TFEB: variants seen among roughly 807,000 people sequenced by gnomAD.
The protein encoded by TFEB is T-cell transcription factor EB.
In TFEB, 12 loss-of-function variants were observed where a neutral mutation model predicts 48.0. That is an observed-to-expected ratio of 0.25 (90% confidence interval 0.16 to 0.40). The LOEUF (loss-of-function observed/expected upper bound fraction) is 0.40. TFEB is among the 10% of genes least tolerant of loss of function. The pLI is 1.00. For missense variants in TFEB, 509 were observed against 640.3 expected (o/e 0.79, Z 2.21); for synonymous variants, 244 against 261.4 (o/e 0.93, Z 0.64).
At chr6:41,690,276 G>A (rs993801506) in intron 3 of TFEB, among the ~76,000 whole-genome samples, 5 of 152,100 alleles carry the variant, frequency 3.3e-5, no homozygotes, top group Non-Finnish European at 7.4e-5. Flanking sequence ...GATTACAGGC[G>A]TGCACCACCA....
intron 1 of TFEB, among the ~76,000 whole-genome samples, chr6:41,698,888 C>A (rs977006874): frequency 3.3e-5 from 5 of 152,356 alleles, no homozygotes; most frequent in Middle Eastern, 3.4e-3. Flanking sequence ...GGAAACAGAA[C>A]AAGGACATCA....
At chr6:41,713,698 G>A (rs1340039028) in intron 1 of TFEB, among the ~76,000 whole-genome samples, 1 of 152,148 alleles carries the variant, frequency 6.6e-6, no homozygotes, top group East Asian at 1.9e-4. Flanking sequence ...AACAGGGAGG[G>A]CCCCTTTGCA....
chr6:41,689,661 G>T, intron 4 of TFEB, 70 bp downstream of exon 4: 1 of 1,261,398 alleles, frequency 7.9e-7, no homozygotes, highest in Non-Finnish European at 1.2e-6. Flanking sequence ...CTCTCTCCAG[G>T]CTCAGAGCCA....
intron 1 of TFEB, among the ~76,000 whole-genome samples, chr6:41,716,187 G>A (rs1400255018): frequency 6.6e-6 from 1 of 152,170 alleles, no homozygotes. Flanking sequence ...GGAAACTGAG[G>A]CATACAGAGG....
At chr6:41,700,061 G>T (rs886388819) in intron 1 of TFEB, among the ~76,000 whole-genome samples, 7 of 152,314 alleles carry the variant, frequency 4.6e-5, no homozygotes, top group Admixed American at 3.9e-4. Context: ...AGCACACAAA[G>T]GCTGTCATGC....
chr6:41,733,183 T>C, intron 1 of TFEB: 1 of 398,286 alleles, frequency 2.5e-6, no homozygotes, highest in Non-Finnish European at 3.4e-6. Context: ...TTCTCAGCTT[T>C]CCAGAAACAG....
At position 41,723,490 on chromosome 6, in the gene TFEB, C is replaced by T. The variant is rs1771073424; in HGVS notation, c.-23+11860G>A. 2.3e-6 allele frequency: 3 copies of T among 1,289,528 alleles called. No homozygotes were observed. Among genetic ancestry groups the T allele is most frequent in the African/African-American group, 3.0e-5 (2 of 65,964 alleles). The allele number at this position is 1,289,528 out of a possible 1,614,324, so 79.9% of individuals were successfully genotyped here. A position where few individuals can be genotyped will look rare whatever the true frequency, so the allele number is the denominator to read the frequency against. On this transcript the variant is annotated intron_variant, in intron 1 of 8. Coordinates refer to ENST00000373033, the MANE Select transcript of TFEB (RefSeq NM_001271944.2). The surrounding 1 kb of genome is among the most constrained non-coding windows in gnomAD (Gnocchi z 6.0). ...GAGAGGGCAGCCCCCTGGAAGGAGG[C>T]CCCTGGAATGCTCAGCTCCTCCAGG...
chr6:41,700,972 TG>T (rs1769888890), intron 1 of TFEB, among the ~76,000 whole-genome samples: 1 of 152,228 alleles, frequency 6.6e-6, no homozygotes, highest in Non-Finnish European at 1.5e-5. Context: ...CGACTGCCAC[TG>T]GGCATGGCAG....
At chr6:41,726,497 G>A (rs1245223880) in intron 1 of TFEB, among the ~76,000 whole-genome samples, 4 of 151,910 alleles carry the variant, frequency 2.6e-5, no homozygotes, top group Non-Finnish European at 5.9e-5. Context: ...AGGCTGGAGT[G>A]CATTGATACG....
chr6:41,713,114 T>A (rs1180032423), intron 1 of TFEB, among the ~76,000 whole-genome samples: 1 of 151,824 alleles, frequency 6.6e-6, no homozygotes, highest in Non-Finnish European at 1.5e-5. Flanking sequence ...CCCCACCCCA[T>A]ACAGAGGGCC....
chr6:41,724,281 G>T lies in TFEB; in HGVS notation c.-23+11069C>A, dbSNP rs1279761788. Among the ~76,000 whole-genome samples, 3 of 152,208 alleles carry T rather than the reference G, an allele frequency of 2.0e-5. No homozygotes were observed. Among genetic ancestry groups the T allele is most frequent in the Non-Finnish European group, 4.4e-5 (3 of 68,040 alleles). On this transcript the variant is annotated intron_variant, in intron 1 of 8. Transcript: ENST00000373033. The surrounding 1 kb of genome is among the most constrained non-coding windows in gnomAD (Gnocchi z 4.4). ...TGGTGGCCAAGGGATTCCCATCGTTGATAAGCAAATACCCTGTATTAAGAA... is the reference window on the plus strand; with the variant it reads ...TGGTGGCCAAGGGATTCCCATCGTTTATAAGCAAATACCCTGTATTAAGAA...
intron 1 of TFEB, among the ~76,000 whole-genome samples, chr6:41,722,326 A>G (rs915728427): frequency 9.2e-5 from 14 of 152,138 alleles, no homozygotes; most frequent in South Asian, 4.1e-4. Flanking sequence ...GGTTACTTTG[A>G]TTACTTAATT....
At position 41,730,589 on chromosome 6, in the gene TFEB, C is replaced by T. The variant is rs957475749; in HGVS notation, c.-23+4761G>A. Among the ~76,000 whole-genome samples the T allele has an allele frequency of 3.3e-5, 5 of 152,214 alleles. No individual in the cohort carries two copies. Among genetic ancestry groups the T allele is most frequent in the Admixed American group, 6.5e-5 (1 of 15,282 alleles). Reference sequence around the variant, plus strand: ...GCCAGGAAGGAAAGCTGGTGATGACCCTGCCTGTTGCCTCTGCTCCTCTTG... The same window carrying T: ...GCCAGGAAGGAAAGCTGGTGATGACTCTGCCTGTTGCCTCTGCTCCTCTTG... On this transcript the variant is annotated intron_variant, in intron 1 of 8. Transcript: ENST00000373033. This position sits in a 1 kb window ranked among gnomAD's most constrained non-coding sequence, Gnocchi z 4.1.
At chr6:41,687,317 T>C in intron 6 of TFEB, 148 bp from the exon 7 acceptor site, 1 of 724,150 alleles carries the variant, frequency 1.4e-6, no homozygotes, top group Non-Finnish European at 2.4e-6. Flanking sequence ...GACCAACAGA[T>C]TGGGATTTCT....
At chr6:41,696,559 T>G (rs368715154) in intron 1 of TFEB, among the ~76,000 whole-genome samples, 13 of 152,054 alleles carry the variant, frequency 8.5e-5, no homozygotes, top group Non-Finnish European at 1.3e-4. Flanking sequence ...CCGGGCGTGG[T>G]GGTGTGCACC....
chr6:41,732,375 G>A (rs1771489288), intron 1 of TFEB, among the ~76,000 whole-genome samples: 2 of 152,216 alleles, frequency 1.3e-5, no homozygotes, highest in South Asian at 4.1e-4. Context: ...GAGTAAGTAA[G>A]TGTAATGCAA....
intron 1 of TFEB, among the ~76,000 whole-genome samples, chr6:41,721,518 A>G (rs1223811405): frequency 6.6e-6 from 1 of 152,064 alleles, no homozygotes; most frequent in Non-Finnish European, 1.5e-5. Context: ...AACTGATTTC[A>G]TGGCTGAATT....
chr6:41,712,155 C>T (rs1469403494), intron 1 of TFEB, among the ~76,000 whole-genome samples: 2 of 152,170 alleles, frequency 1.3e-5, no homozygotes, highest in Non-Finnish European at 1.5e-5. Context: ...CTCTGGAAAC[C>T]TGCTCTGCCT....
chr6:41,693,512 C>T (rs905931225), intron 1 of TFEB, among the ~76,000 whole-genome samples: 2 of 152,132 alleles, frequency 1.3e-5, no homozygotes, highest in African/African-American at 4.8e-5. Flanking sequence ...AGGGTCTCCA[C>T]ACAGAGCAGG....
Sources: allele counts gnomAD v4.1 joint callset (sites outside exome capture counted in the v4.1 genomes callset), GRCh38; gene constraint gnomAD v4.1.1; non-coding constraint Gnocchi (gnomAD v3.1); transcripts MANE v1.5; gene names NCBI Gene and HGNC (gene_info 2026-07-23, HGNC 2026-07-21).